PCDH15: variants seen among roughly 807,000 people sequenced by gnomAD.
The protein encoded by PCDH15 is protocadherin related 15.
PCDH15 carries 129 observed loss-of-function variants against 178.5 expected under a neutral mutation model. The observed-to-expected ratio is 0.72, with a 90% CI of 0.63 to 0.84. The LOEUF (loss-of-function observed/expected upper bound fraction) is 0.84. PCDH15 is among the 40% of genes least tolerant of loss of function. PCDH15 has a pLI of 0.00. For synonymous variants in PCDH15, 800 were observed against 732.0 expected (o/e 1.09, Z -1.50); for missense variants, 2,230 against 2,099.9 (o/e 1.06, Z -1.21).
intron 14 of PCDH15, among the ~76,000 whole-genome samples, chr10:54,139,697 G>A (rs1367212505): frequency 6.6e-6 from 1 of 151,984 alleles, no homozygotes; most frequent in Non-Finnish European, 1.5e-5. Flanking sequence ...GAATCTGTTT[G>A]TCTAGTTCAG....
intron 2 of PCDH15, among the ~76,000 whole-genome samples, chr10:54,578,238 A>G (rs1299016182): frequency 2.6e-5 from 4 of 152,164 alleles, no homozygotes; most frequent in African/African-American, 4.8e-5. Context: ...TCAAAGTTTG[A>G]GGGCCCCTAA....
chr10:54,456,413 G>A (rs2076824919), intron 3 of PCDH15, among the ~76,000 whole-genome samples: 1 of 151,984 alleles, frequency 6.6e-6, no homozygotes, highest in Non-Finnish European at 1.5e-5. Flanking sequence ...GGCTTGAATG[G>A]GGCCTGAAGC....
intron 5 of PCDH15, among the ~76,000 whole-genome samples, chr10:54,364,010 C>A (rs868442181): frequency 6.6e-6 from 1 of 151,760 alleles, no homozygotes; most frequent in African/African-American, 2.4e-5. Flanking sequence ...GTCAGGAGTT[C>A]GAGACCAGCC....
In PCDH15 at chr10:55,389,782, C is replaced by T. The variant is rs150401855; in HGVS notation, c.-155-223131G>A. Among the ~76,000 whole-genome samples the T allele has an allele frequency of 6.6e-3, 999 of 152,180 alleles. 10 individuals are homozygous for T. Among genetic ancestry groups the T allele is most frequent in the African/African-American group, 0.023 (962 of 41,530 alleles). On this transcript the variant is annotated intron_variant, in intron 2 of 5. Coordinates refer to the PCDH15 transcript ENST00000613346. The stretch of plus-strand genomic sequence containing the variant: ...CAACAGTTGAAACAACCCTAAAGTC[C>T]TATCTTTGAAGCTCTAGGAGAAATA...
At chr10:53,828,823 A>G (rs1396401650) in intron 30 of PCDH15, among the ~76,000 whole-genome samples, 8 of 152,246 alleles carry the variant, frequency 5.3e-5, no homozygotes, top group Non-Finnish European at 5.9e-5. Context: ...ACTACATAGA[A>G]TAAGAAAACT....
At chr10:54,880,163 A>G (rs542909667) in intron 3 of PCDH15, among the ~76,000 whole-genome samples, 1 of 152,262 alleles carries the variant, frequency 6.6e-6, no homozygotes, top group South Asian at 2.1e-4. Flanking sequence ...TAAAATGTGC[A>G]CTGTGAATAT....
At chr10:53,908,927 C>A (rs775096569) in intron 25 of PCDH15, among the ~76,000 whole-genome samples, 1 of 152,152 alleles carries the variant, frequency 6.6e-6, no homozygotes, top group Admixed American at 6.5e-5. Flanking sequence ...AACACACAAA[C>A]AATTTTTTAT....
intron 20 of PCDH15, among the ~76,000 whole-genome samples, chr10:54,012,902 C>T (rs1277257386): frequency 6.6e-6 from 1 of 151,986 alleles, no homozygotes; most frequent in Non-Finnish European, 1.5e-5. Flanking sequence ...AATATGATGA[C>T]AGGCTCAAAT....
chr10:54,468,685 G>A (rs1191450374), intron 3 of PCDH15, among the ~76,000 whole-genome samples: 1 of 152,106 alleles, frequency 6.6e-6, no homozygotes, highest in East Asian at 1.9e-4. Context: ...GCAATTTAAA[G>A]GCAATGTTTC....
chr10:54,545,817 A>G (rs529163868), intron 2 of PCDH15, among the ~76,000 whole-genome samples: 1 of 152,044 alleles, frequency 6.6e-6, no homozygotes, highest in Non-Finnish European at 1.5e-5. Context: ...CCACTCTAAC[A>G]CCTCTTCTTG....
intron 22 of PCDH15, among the ~76,000 whole-genome samples, chr10:53,961,495 A>G (rs1564868283): frequency 6.6e-6 from 1 of 152,080 alleles, no homozygotes; most frequent in East Asian, 1.9e-4. Flanking sequence ...ACATATATTT[A>G]TATATTTGTG....
intron 1 of PCDH15, among the ~76,000 whole-genome samples, chr10:55,256,510 C>T (rs1158756995): frequency 2.6e-5 from 4 of 152,300 alleles, no homozygotes; most frequent in East Asian, 1.9e-4. Context: ...CCTGGAAAAT[C>T]GGGTCACTCC....
At chr10:54,101,738 C>T (rs1411862831) in intron 15 of PCDH15, among the ~76,000 whole-genome samples, 1 of 151,796 alleles carries the variant, frequency 6.6e-6, no homozygotes, top group Non-Finnish European at 1.5e-5. Context: ...AGACTGAGAC[C>T]AGAAGATTAT....
intron 26 of PCDH15, among the ~76,000 whole-genome samples, chr10:53,892,018 A>ATT (rs2081590883): frequency 3.0e-5 from 3 of 99,158 alleles, no homozygotes; most frequent in African/African-American, 1.5e-4. Flanking sequence ...CTTTACATCT[A>ATT]TGTTTTTTTT....
chr10:55,221,080 T>G (rs981915207), intron 1 of PCDH15, among the ~76,000 whole-genome samples: 1 of 152,082 alleles, frequency 6.6e-6, no homozygotes, highest in East Asian at 1.9e-4. Flanking sequence ...AAGAATCAAG[T>G]CCCTAATACT....
intron 2 of PCDH15, among the ~76,000 whole-genome samples, chr10:54,569,115 A>T (rs1288288820): frequency 6.6e-6 from 1 of 152,012 alleles, no homozygotes; most frequent in Non-Finnish European, 1.5e-5. Context: ...ATAAAAGAAA[A>T]AAAGCAAAAC....
chr10:55,518,278 C>G (rs1432618003), intron 2 of PCDH15, among the ~76,000 whole-genome samples: 1 of 152,046 alleles, frequency 6.6e-6, no homozygotes, highest in South Asian at 2.1e-4. Flanking sequence ...TTTGATATTG[C>G]AATAGTAGCT....
At chr10:55,568,976 G>A (rs1297883596) in intron 2 of PCDH15, among the ~76,000 whole-genome samples, 1 of 151,968 alleles carries the variant, frequency 6.6e-6, no homozygotes, top group Non-Finnish European at 1.5e-5. Context: ...TGGAGAGAGT[G>A]GTGTTGCTGA....
chr10:54,124,207 C>T (rs985340049), intron 15 of PCDH15, among the ~76,000 whole-genome samples: 11 of 152,004 alleles, frequency 7.2e-5, no homozygotes, highest in Non-Finnish European at 1.2e-4. Flanking sequence ...ACAAACAATA[C>T]ATTTTGCTAA....
Sources: allele counts gnomAD v4.1 joint callset (sites outside exome capture counted in the v4.1 genomes callset), GRCh38; gene constraint gnomAD v4.1.1; transcripts MANE v1.5; gene names NCBI Gene and HGNC (gene_info 2026-07-23, HGNC 2026-07-21).